Variants in UNC13B observed in about 807,000 individuals in gnomAD.
UNC13B encodes unc-13 homolog B.
UNC13B carries 144 observed loss-of-function variants against 211.0 expected under a neutral mutation model. That is an observed-to-expected ratio of 0.68 (90% CI 0.60 to 0.78). The LOEUF is 0.78. UNC13B is among the 30% of genes least tolerant of loss of function. UNC13B has a pLI of 0.00. For missense variants in UNC13B, 1,777 were observed against 2,002.0 expected (o/e 0.89, Z 2.14); for synonymous variants, 709 against 725.8 (o/e 0.98, Z 0.37).
At chr9:35,210,253 C>T (rs1264919326) in intron 1 of UNC13B, among the ~76,000 whole-genome samples, 1 of 152,090 alleles carries the variant, frequency 6.6e-6, no homozygotes, top group East Asian at 1.9e-4. Flanking sequence ...GCTTCCTGTC[C>T]AGTATAGTTT....
intron 15 of UNC13B, 146 bp downstream of exon 15, chr9:35,376,393 T>G (rs962894037): frequency 1.2e-6 from 1 of 856,168 alleles, no homozygotes; most frequent in Non-Finnish European, 1.8e-6. Flanking sequence ...GAAGGTAGGA[T>G]TCTGAATCAA....
At position 35,314,103 on chromosome 9, in the gene UNC13B, A is replaced by T. The variant is rs545747162; in HGVS notation, c.9414+114A>T. 284 of 832,978 alleles carry T rather than the reference A, an allele frequency of 3.4e-4. 3 individuals carry two copies. The highest frequency in any genetic ancestry group is 2.9e-3 in the Middle Eastern group (13 of 4,494). 51.6% of individuals were successfully genotyped at this position (832,978 alleles called of 1,614,324 possible). ...CATCTTCTTACAGTGTGCTTCTGGGAATGCATGACAATTAAGCCAGAGCTT... is the reference window on the plus strand; with the variant it reads ...CATCTTCTTACAGTGTGCTTCTGGGTATGCATGACAATTAAGCCAGAGCTT... On this transcript the variant is annotated intron_variant, in intron 11 of 39. Coordinates refer to ENST00000635942, the MANE Select transcript of UNC13B (RefSeq NM_001371189.2).
At chr9:35,227,943 G>A in intron 1 of UNC13B, 72 bp from the exon 2 acceptor site, 2 of 1,322,634 alleles carry the variant, frequency 1.5e-6, no homozygotes, top group East Asian at 2.3e-5. Flanking sequence ...GGTATGTAGT[G>A]CCTAATAAAT....
chr9:35,241,576 CA>C (rs1825812356), intron 5 of UNC13B, among the ~76,000 whole-genome samples: 2 of 146,574 alleles, frequency 1.4e-5, no homozygotes, highest in Admixed American at 1.5e-4. Context: ...CACACACACA[CA>C]CACACACACA....
rs141554748 is a variant in UNC13B at position 35,339,562 on chromosome 9, A to G, written c.9414+25573A>G. Among the ~76,000 whole-genome samples, 136 of 152,266 alleles carry G rather than the reference A, an allele frequency of 8.9e-4. 2 individuals carry two copies. In the East Asian group the frequency reaches 0.025, roughly 28 times the overall value. On this transcript the variant is annotated intron_variant, in intron 11 of 39. Transcript: ENST00000635942. Reference sequence around the variant, plus strand: ...TCCACTGACTGTTTGCCACTTCCCCACTTACTCTGTTTCTTGCTTTTGCTG... The same window carrying G: ...TCCACTGACTGTTTGCCACTTCCCCGCTTACTCTGTTTCTTGCTTTTGCTG...
chr9:35,339,879 G>A lies in UNC13B; in HGVS notation c.9414+25890G>A, dbSNP rs533963903. ...TTTGTCAATTAGGCAGGAAGAAGTA[G>A]GTTCTTTTAGCAGGGTCCTACCTCT... On this transcript the variant is annotated intron_variant, in intron 11 of 39. Coordinates refer to ENST00000635942, the MANE Select transcript of UNC13B (RefSeq NM_001371189.2). 1.8e-3 allele frequency among the ~76,000 whole-genome samples: 273 copies of A among 152,322 alleles called. 2 individuals carry two copies. In the Middle Eastern group the frequency reaches 0.037, roughly 21 times the overall value.
chr9:35,336,969 G>A lies in UNC13B; in HGVS notation c.9414+22980G>A, dbSNP rs189052459. Among the ~76,000 whole-genome samples, 315 of 152,330 alleles carry A rather than the reference G, an allele frequency of 2.1e-3. 2 individuals carry two copies. The highest frequency in any genetic ancestry group is 6.5e-3 in the African/African-American group (270 of 41,570). On this transcript the variant is annotated intron_variant, in intron 11 of 39. Transcript: ENST00000635942. ...AGGGCCATCTGGAAACAGAAAGGAT[G>A]AGATGGCACATTAAGTGAGTGCAAG... is the stretch of plus-strand genomic sequence containing the variant.
At chr9:35,385,281 A>G (rs1835116612) in intron 22 of UNC13B, 2 of 985,336 alleles carry the variant, frequency 2.0e-6, no homozygotes, top group African/African-American at 3.5e-5. Flanking sequence ...GTTCTATTGT[A>G]CAAAAAGTAC....
chr9:35,180,928 TAAA>T (rs11427601), intron 1 of UNC13B, among the ~76,000 whole-genome samples: 3 of 140,924 alleles, frequency 2.1e-5, no homozygotes, highest in East Asian at 2.1e-4. Flanking sequence ...ACCCTGTCTT[TAAA>T]AAAAAAAAAA....
chr9:35,248,027 T>A (rs574981418), intron 6 of UNC13B, among the ~76,000 whole-genome samples: 4 of 152,356 alleles, frequency 2.6e-5, no homozygotes, highest in Non-Finnish European at 4.4e-5. Flanking sequence ...TGCCTCAATT[T>A]CAAAGCCTGT....
intron 6 of UNC13B, among the ~76,000 whole-genome samples, chr9:35,250,244 G>C (rs1167900311): frequency 6.6e-6 from 1 of 152,076 alleles, no homozygotes; most frequent in Non-Finnish European, 1.5e-5. Flanking sequence ...TAGCTTCATA[G>C]TTGTGCCCAT....
chr9:35,180,771 A>G (rs1332607), intron 1 of UNC13B, among the ~76,000 whole-genome samples: 124,444 of 151,936 alleles, frequency 0.82, 51,223 homozygotes, highest in East Asian at 0.98. Context: ...TCTGAAATCA[A>G]TTAAGTGGGT....
chr9:35,364,486 T>C, intron 11 of UNC13B: 1 of 1,529,534 alleles, frequency 6.5e-7, no homozygotes, highest in Non-Finnish European at 8.8e-7. Flanking sequence ...GGTTCCCTAC[T>C]TATAGGACTG....
intron 25 of UNC13B, 21 bp from the exon 26 acceptor site, chr9:35,390,606 CTG>C (rs1305536720): frequency 6.2e-7 from 1 of 1,612,148 alleles, no homozygotes; most frequent in African/African-American, 1.3e-5. Context: ...TATTCTCTGA[CTG>C]TGGTTTCTTC....
rs947944186 is a variant in UNC13B at position 35,304,074 on chromosome 9, C to T, written c.4670C>T (p.Pro1557Leu). ...GGGCAGTATGCATATTTATTTATAC[C>T]TGATTCTTATCAAGAGTATTTGGAT... ...STGQYAYLFIPDSYQEYLDCD... is the reference protein window; with the variant it reads ...STGQYAYLFILDSYQEYLDCD... Residue 1557 changes from proline to leucine, a missense_variant, in exon 9 of 40, where the codon CCT becomes CTT. Physicochemically the swap from Pro to Leu is moderately conservative, Grantham distance 98. Coordinates refer to ENST00000635942, the MANE Select transcript of UNC13B (RefSeq NM_001371189.2). 3 of 398,500 alleles carry T rather than the reference C, an allele frequency of 7.5e-6. No individual in the cohort carries two copies. Among genetic ancestry groups the T allele is most frequent in the African/African-American group, 6.2e-5 (3 of 48,546 alleles). 24.7% of individuals were successfully genotyped at this position (398,500 alleles called of 1,614,324 possible).
intron 1 of UNC13B, among the ~76,000 whole-genome samples, chr9:35,217,545 C>T (rs1038767412): frequency 3.5e-4 from 53 of 152,070 alleles, no homozygotes; most frequent in Non-Finnish European, 6.5e-4. Flanking sequence ...CGTGCCACCA[C>T]GTCCGGCTAA....
intron 5 of UNC13B, among the ~76,000 whole-genome samples, chr9:35,239,345 C>G (rs1031892943): frequency 9.2e-5 from 14 of 152,116 alleles, no homozygotes; most frequent in Middle Eastern, 3.4e-3. Flanking sequence ...TTCTGTGATG[C>G]CCCCCAAGCC....
chr9:35,283,393 T>C (rs1468318241), intron 7 of UNC13B, among the ~76,000 whole-genome samples: 2 of 152,220 alleles, frequency 1.3e-5, no homozygotes, highest in Non-Finnish European at 2.9e-5. Flanking sequence ...TGTTAGACAC[T>C]ATCAAATTGT....
intron 6 of UNC13B, among the ~76,000 whole-genome samples, chr9:35,253,401 GA>G (rs1285241776): frequency 6.6e-6 from 1 of 151,974 alleles, no homozygotes; most frequent in Non-Finnish European, 1.5e-5. Flanking sequence ...TGGTTAATGG[GA>G]GTTTCTTCAA....
Sources: gnomAD v4.1 joint callset for allele counts (sites outside exome capture counted in the v4.1 genomes callset) on GRCh38, gnomAD v4.1.1 for gene constraint, MANE v1.5 for transcripts, NCBI Gene and HGNC (gene_info 2026-07-23, HGNC 2026-07-21) for gene names.